Variants in CD200 observed in about 807,000 individuals in gnomAD.
CD200 encodes the protein CD200 molecule.
In CD200, 15 loss-of-function variants were observed where a neutral mutation model predicts 30.9. The observed-to-expected ratio is 0.49, with a 90% CI of 0.32 to 0.75. The LOEUF (loss-of-function observed/expected upper bound fraction) is 0.75, where lower values mean the gene tolerates loss of function less well. CD200 is among the 30% of genes least tolerant of loss of function. CD200 has a pLI of 0.03. For missense variants in CD200, 262 were observed against 324.2 expected, an observed-to-expected ratio of 0.81 and a Z score of 1.47; for synonymous variants, 134 against 126.2, an observed-to-expected ratio of 1.06 and a Z score of -0.41.
At position 112,361,808 on chromosome 3, in the gene CD200, G is replaced by C. The variant is rs2081746884; in HGVS notation, c.*258G>C. The C allele has an allele frequency of 1.8e-6, 1 of 558,212 alleles. No homozygotes were observed. The highest frequency in any genetic ancestry group is 3.1e-5 in the Admixed American group (1 of 32,426). 34.6% of individuals were successfully genotyped at this position (558,212 alleles called of 1,614,324 possible). A position where few individuals can be genotyped will look rare whatever the true frequency, so the allele number is the denominator to read the frequency against. ...GCAATGCCATGTTATGTGGTTGAAAGGGCACTGGACTTAGTTAGTATCAGG... is the reference window on the plus strand; with the variant it reads ...GCAATGCCATGTTATGTGGTTGAAACGGCACTGGACTTAGTTAGTATCAGG... On this transcript the variant is annotated 3_prime_UTR_variant, in exon 6 of 6. Transcript: ENST00000315711.
At chr3:112,345,363 C>G in intron 3 of CD200, 75 bp downstream of exon 3, 3 of 1,208,668 alleles carry the variant, frequency 2.5e-6, no homozygotes, top group Non-Finnish European at 3.6e-6. Context: ...AGCCGTAGTG[C>G]CCAGTTTTTC....
intron 1 of CD200, among the ~76,000 whole-genome samples, chr3:112,339,926 C>G (rs1201113768): frequency 6.6e-6 from 1 of 152,008 alleles, no homozygotes; most frequent in African/African-American, 2.4e-5. Context: ...TTTTGTGAAC[C>G]CCCAGGAATG....
chr3:112,348,612 T>G (rs1346499845), intron 4 of CD200, among the ~76,000 whole-genome samples: 1 of 152,188 alleles, frequency 6.6e-6, no homozygotes, highest in Non-Finnish European at 1.5e-5. Context: ...GATGAAGCAG[T>G]CAGTAATAAG....
rs187884778 is a variant in CD200 at position 112,336,789 on chromosome 3, G to T, written c.12+3565G>T. Among the ~76,000 whole-genome samples, 157 of 152,204 alleles carry T rather than the reference G, an allele frequency of 1.0e-3. 2 individuals are homozygous for T. The East Asian group carries it at 0.016, about 16-fold the overall frequency. On this transcript the variant is annotated intron_variant, in intron 1 of 5. Transcript: ENST00000315711. ...GGATTCAGTGGATATTGAGGTTCTT[G>T]GGGGGCAATGAGACAGGCACCAAGA...
intron 1 of CD200, among the ~76,000 whole-genome samples, chr3:112,337,145 A>G (rs2081135972): frequency 6.6e-6 from 1 of 152,038 alleles, no homozygotes; most frequent in Admixed American, 6.6e-5. Context: ...TTTCTCTCAA[A>G]CTGGAAAGCA....
chr3:112,347,915 C>G (rs1292049069), intron 4 of CD200, 85 bp downstream of exon 4: 11 of 1,211,326 alleles, frequency 9.1e-6, no homozygotes, highest in Non-Finnish European at 1.3e-5. Flanking sequence ...AGGTTTTCAG[C>G]CTCTTAGCAT....
In CD200 at chr3:112,362,147, T is replaced by C. The variant is rs1466108590; in HGVS notation, c.*597T>C. ...CTAGTCCAGTTCCTGCTTACTGCTT[T>C]GCTAATAGCTGGCCTTGCTAGAATC... On this transcript the variant is annotated 3_prime_UTR_variant, in exon 6 of 6. Transcript: ENST00000315711. 2 of 152,320 alleles carry C rather than the reference T, an allele frequency of 1.3e-5. No individual in the cohort carries two copies. The highest frequency in any genetic ancestry group is 4.8e-5 in the African/African-American group (2 of 41,454). The allele number at this position is 152,320 out of a possible 1,614,324, so 9.4% of individuals were successfully genotyped here.
rs1237508203 is a variant in CD200 at position 112,335,000 on chromosome 3, G to A, written c.12+1776G>A. The stretch of plus-strand genomic sequence containing the variant: ...GATTTCCACGTCAGAGAAGCCTAAT[G>A]GTTTAAAAAATATCACATAGAATTG... On this transcript the variant is annotated intron_variant, in intron 1 of 5. Coordinates refer to ENST00000315711, the MANE Select transcript of CD200 (RefSeq NM_005944.7). Among the ~76,000 whole-genome samples the A allele has an allele frequency of 2.6e-5, 4 of 152,126 alleles. No individual in the cohort carries two copies. In the East Asian group the frequency reaches 7.7e-4, roughly 29 times the overall value.
At chr3:112,349,352 T>C (rs2081483809) in intron 4 of CD200, among the ~76,000 whole-genome samples, 2 of 152,232 alleles carry the variant, frequency 1.3e-5, no homozygotes, top group African/African-American at 4.8e-5. Context: ...GCAAAGAATA[T>C]GTGCTTTAGA....
chr3:112,338,659 C>T (rs560496559), intron 1 of CD200, among the ~76,000 whole-genome samples: 115 of 152,220 alleles, frequency 7.6e-4, no homozygotes, highest in African/African-American at 2.7e-3. Flanking sequence ...TCTGTGGAAA[C>T]CGGTTTAAAT....
chr3:112,333,328 C>A, intron 1 of CD200, 104 bp downstream of exon 1: 1 of 1,477,424 alleles, frequency 6.8e-7, no homozygotes, highest in South Asian at 1.3e-5. Flanking sequence ...TCGGCTCTTG[C>A]CACAATCTGG....
intron 3 of CD200, among the ~76,000 whole-genome samples, chr3:112,345,716 G>C (rs955144615): frequency 6.6e-6 from 1 of 152,156 alleles, no homozygotes; most frequent in East Asian, 1.9e-4. Context: ...TTGGATCTAA[G>C]GACAGAGCCA....
intron 5 of CD200, among the ~76,000 whole-genome samples, chr3:112,353,259 C>G (rs1013683068): frequency 6.6e-6 from 1 of 152,160 alleles, no homozygotes; most frequent in Non-Finnish European, 1.5e-5. Flanking sequence ...TGAGGCAGAT[C>G]ATCATAGACA....
intron 5 of CD200, among the ~76,000 whole-genome samples, chr3:112,355,102 G>C (rs930720209): frequency 2.9e-4 from 44 of 152,124 alleles, no homozygotes; most frequent in African/African-American, 1.0e-3. Flanking sequence ...ATGTCTTTGG[G>C]GTGCCATTAT....
chr3:112,334,125 T>A, intron 1 of CD200: 3 of 985,410 alleles, frequency 3.0e-6, no homozygotes, highest in Non-Finnish European at 3.6e-6. Context: ...GTTAATCTTC[T>A]TTGTAACTAT....
Position 112,347,727 on chromosome 3 carries a change from C to T in CD200, c.591C>T (p.Ser197=). 6.2e-7 allele frequency: 1 copy of T among 1,613,962 alleles called. No individual in the cohort carries two copies. Residue 197 remains serine (S), a synonymous_variant, in exon 4 of 6, where the codon AGC becomes AGT. Coordinates refer to ENST00000315711, the MANE Select transcript of CD200 (RefSeq NM_005944.7). ...SHPNGTTSVT[S]ILHIKDPKNQ... Reference sequence around the variant, plus strand: ...CAAATGGGACCACGTCTGTTACCAGCATCCTCCATATCAAAGACCCTAAGA... The same window carrying T: ...CAAATGGGACCACGTCTGTTACCAGTATCCTCCATATCAAAGACCCTAAGA...
intron 2 of CD200, among the ~76,000 whole-genome samples, chr3:112,342,360 T>C (rs1476620067): frequency 0.022 from 500 of 22,670 alleles, 30 homozygotes; most frequent in East Asian, 0.056. Flanking sequence ...TTTCTTTCTT[T>C]CTTTCTTTCT....
rs1559783315 is a variant in CD200, at chr3:112,342,353, CTTTCT to C, written c.94+1373_94+1377del. Among the ~76,000 whole-genome samples the C allele has an allele frequency of 1.4e-3, 15 of 10,390 alleles. 2 individuals are homozygous for C. The highest frequency in any genetic ancestry group is 5.5e-3 in the African/African-American group (15 of 2,708). 6.8% of individuals were successfully genotyped at this position (10,390 alleles called of 152,430 possible). A position where few individuals can be genotyped will look rare whatever the true frequency, so the allele number is the denominator to read the frequency against. Reference sequence around the variant, plus strand: ...TCTTTCTTTCCTTCTTTCTTTCTTTCTTTCTTTCTTTCTTTCTTTCTTTCTTTCTT... The same window carrying C: ...TCTTTCTTTCCTTCTTTCTTTCTTTCTTCTTTCTTTCTTTCTTTCTTTCTT... On this transcript the variant is annotated intron_variant, in intron 2 of 5. Coordinates refer to ENST00000315711, the MANE Select transcript of CD200 (RefSeq NM_005944.7).
intron 2 of CD200, among the ~76,000 whole-genome samples, chr3:112,342,393 C>T (rs2081281311): frequency 2.4e-4 from 12 of 50,968 alleles, no homozygotes; most frequent in African/African-American, 6.6e-4. Flanking sequence ...TTCTTTCTTT[C>T]TTTCTTTCTT....
Sources: gnomAD v4.1 joint callset for allele counts (sites outside exome capture counted in the v4.1 genomes callset) on GRCh38, gnomAD v4.1.1 for gene constraint, MANE v1.5 for transcripts, NCBI Gene and HGNC (gene_info 2026-07-23, HGNC 2026-07-21) for gene names.